CCDC172: variants seen among roughly 807,000 people sequenced by gnomAD.
CCDC172 encodes the protein coiled-coil domain-containing protein 172.
Under a neutral mutation model 38.0 loss-of-function variants are expected in CCDC172, and 30 were observed. That is an observed-to-expected ratio of 0.79 (90% CI 0.59 to 1.07). The LOEUF (loss-of-function observed/expected upper bound fraction) is 1.07. Among genes scored for constraint, CCDC172 ranks in the 50% least tolerant of loss-of-function variants. CCDC172 has a pLI of 0.00. For synonymous variants in CCDC172, 78 were observed against 88.3 expected, an observed-to-expected ratio of 0.88 and a Z score of 0.66; for missense variants, 297 against 290.1, an observed-to-expected ratio of 1.02 and a Z score of -0.17.
intron 7 of CCDC172, among the ~76,000 whole-genome samples, chr10:116,368,842 C>A (rs553255597): frequency 3.5e-4 from 53 of 152,006 alleles, no homozygotes; most frequent in Non-Finnish European, 7.4e-4. Flanking sequence ...CAACTCAAAT[C>A]TAAAATGACT....
intron 5 of CCDC172, among the ~76,000 whole-genome samples, chr10:116,350,248 A>G (rs1844915009): frequency 6.6e-6 from 1 of 152,204 alleles, no homozygotes; most frequent in Non-Finnish European, 1.5e-5. Flanking sequence ...TATTGAGAAC[A>G]CAGTTAAGGG....
intron 7 of CCDC172, among the ~76,000 whole-genome samples, chr10:116,374,320 A>G (rs1310051836): frequency 2.6e-5 from 4 of 152,140 alleles, no homozygotes; most frequent in African/African-American, 9.7e-5. Context: ...AAAGGAAAAA[A>G]ATTGTGTGCT....
At chr10:116,329,835 A>G (rs1439846823) in intron 3 of CCDC172, among the ~76,000 whole-genome samples, 2 of 152,130 alleles carry the variant, frequency 1.3e-5, no homozygotes, top group African/African-American at 4.8e-5. Flanking sequence ...GAAAACAAAA[A>G]CCGCTAGTTT....
At chr10:116,332,342 A>G (rs1844673749) in intron 3 of CCDC172, among the ~76,000 whole-genome samples, 1 of 152,160 alleles carries the variant, frequency 6.6e-6, no homozygotes, top group Non-Finnish European at 1.5e-5. Flanking sequence ...CTGCCATATT[A>G]ACCATAATTC....
intron 8 of CCDC172, among the ~76,000 whole-genome samples, chr10:116,379,115 T>C (rs1170817478): frequency 6.6e-6 from 1 of 152,162 alleles, no homozygotes; most frequent in Admixed American, 6.6e-5. Flanking sequence ...TTTAATTTGA[T>C]ACATTGCATG....
intron 5 of CCDC172, among the ~76,000 whole-genome samples, chr10:116,349,037 C>A (rs565287720): frequency 5.3e-5 from 8 of 152,228 alleles, no homozygotes; most frequent in African/African-American, 1.9e-4. Context: ...CCTATCAGAT[C>A]AGCAGCAGTT....
At chr10:116,331,938 T>C (rs891067046) in intron 3 of CCDC172, among the ~76,000 whole-genome samples, 1 of 152,258 alleles carries the variant, frequency 6.6e-6, no homozygotes, top group Middle Eastern at 3.4e-3. Flanking sequence ...CGTTTTCCAC[T>C]CATGGCTCAA....
intron 7 of CCDC172, among the ~76,000 whole-genome samples, chr10:116,365,914 C>T (rs1845117869): frequency 6.6e-6 from 1 of 152,028 alleles, no homozygotes; most frequent in South Asian, 2.1e-4. Context: ...TCTGCTATAC[C>T]CTATAGCCTA....
At chr10:116,355,792 T>G (rs1314343384) in intron 5 of CCDC172, among the ~76,000 whole-genome samples, 1 of 152,074 alleles carries the variant, frequency 6.6e-6, no homozygotes, top group African/African-American at 2.4e-5. Context: ...AGAAAGTAGA[T>G]CAGTGGTTGC....
chr10:116,375,039 T>G (rs1464588245), intron 7 of CCDC172, among the ~76,000 whole-genome samples: 1 of 152,192 alleles, frequency 6.6e-6, no homozygotes, highest in Non-Finnish European at 1.5e-5. Context: ...TATGCTTTTC[T>G]TTGTATTTCC....
intron 3 of CCDC172, among the ~76,000 whole-genome samples, chr10:116,329,625 G>A (rs1348666887): frequency 6.6e-6 from 1 of 152,070 alleles, no homozygotes; most frequent in Non-Finnish European, 1.5e-5. Flanking sequence ...ACACTTTCAG[G>A]GAGTTTGTAA....
chr10:116,329,416 G>C (rs546942700), intron 3 of CCDC172, among the ~76,000 whole-genome samples: 7 of 151,962 alleles, frequency 4.6e-5, no homozygotes, highest in African/African-American at 1.7e-4. Flanking sequence ...TTGAAATGCT[G>C]ATTCCATTAG....
chr10:116,378,323 G>A, intron 7 of CCDC172, 100 bp from the exon 8 acceptor site: 4 of 1,179,220 alleles, frequency 3.4e-6, no homozygotes, highest in Non-Finnish European at 4.6e-6. Context: ...GTCTTAACTT[G>A]AAATTCTGAT....
chr10:116,365,127 T>C (rs950491961), intron 7 of CCDC172, among the ~76,000 whole-genome samples: 20 of 152,176 alleles, frequency 1.3e-4, no homozygotes, highest in African/African-American at 4.3e-4. Context: ...CTACTTACCA[T>C]TATATTGCTT....
At chr10:116,378,652 A>T (rs1845277947) in intron 8 of CCDC172, 142 bp downstream of exon 8, 8 of 653,082 alleles carry the variant, frequency 1.2e-5, no homozygotes, top group Middle Eastern at 2.8e-4. Flanking sequence ...GATAACTAGG[A>T]TCAGGATGTA....
In CCDC172 at chr10:116,340,770, C is replaced by A; in HGVS notation, c.202C>A (p.Leu68Ile). Reference protein sequence around the residue: ...QFFEKSFFLQLLKAHENALEK... With the variant: ...QFFEKSFFLQILKAHENALEK... ...TTTTGAAAAATCCTTCTTCTTACAG[C>A]TTTTGAAAGCTCATGAAAATGCTTT... The change falls in exon 4 of 9, where the codon CTT (leucine) becomes ATT (isoleucine). Residue 68 changes from leucine (L) to isoleucine (I), a missense_variant. By Grantham distance (5) the Leu-to-Ile change is conservative. Transcript: ENST00000333254. 1 of 1,603,512 alleles carries A rather than the reference C, an allele frequency of 6.2e-7. No individual in the cohort carries two copies. The highest frequency in any genetic ancestry group is 8.5e-7 in the Non-Finnish European group (1 of 1,173,392).
At chr10:116,330,252 C>T (rs1844644033) in intron 3 of CCDC172, among the ~76,000 whole-genome samples, 1 of 152,196 alleles carries the variant, frequency 6.6e-6, no homozygotes, top group Non-Finnish European at 1.5e-5. Context: ...ATCTTGGCAG[C>T]TTGGCAGCTT....
intron 7 of CCDC172, among the ~76,000 whole-genome samples, chr10:116,364,921 G>A (rs6585392): frequency 0.11 from 16,883 of 152,058 alleles, 1,641 homozygotes; most frequent in East Asian, 0.33. Flanking sequence ...AAAAAAATTT[G>A]TAATGATGCA....
chr10:116,373,882 A>T (rs969773500), intron 7 of CCDC172, among the ~76,000 whole-genome samples: 1 of 152,224 alleles, frequency 6.6e-6, no homozygotes, highest in African/African-American at 2.4e-5. Flanking sequence ...TGCAAGCATT[A>T]CAACTTTAAA....
Sources: gnomAD v4.1 joint callset for allele counts (sites outside exome capture counted in the v4.1 genomes callset) on GRCh38, gnomAD v4.1.1 for gene constraint, MANE v1.5 for transcripts, NCBI Gene and HGNC (gene_info 2026-07-23, HGNC 2026-07-21) for gene names.